The following PPHLN1 variants were observed in gnomAD, a reference collection of about 807,000 sequenced individuals.
PPHLN1 encodes periphilin-1.
In PPHLN1, 29 loss-of-function variants were observed where a neutral mutation model predicts 51.3. That is an observed-to-expected ratio of 0.57 (90% CI 0.42 to 0.77). The LOEUF is 0.77. PPHLN1 is among the 30% of genes least tolerant of loss of function. The pLI is 0.00. For missense variants in PPHLN1, 436 were observed against 438.4 expected (o/e 0.99, Z 0.05); for synonymous variants, 147 against 147.8 (o/e 0.99, Z 0.04).
intron 8 of PPHLN1, among the ~76,000 whole-genome samples, chr12:42,396,900 C>T (rs1440116106): frequency 1.3e-5 from 2 of 150,758 alleles, no homozygotes; most frequent in African/African-American, 2.4e-5. Flanking sequence ...ATTAGCTGGG[C>T]ATGGTGGCAT....
intron 5 of PPHLN1, among the ~76,000 whole-genome samples, chr12:42,383,798 G>A (rs2076952820): frequency 6.6e-6 from 1 of 151,800 alleles, no homozygotes; most frequent in South Asian, 2.1e-4. Flanking sequence ...GGCCAAGATG[G>A]TGAAACCTCG....
At chr12:42,406,710 G>C (rs1018856424) in intron 9 of PPHLN1, among the ~76,000 whole-genome samples, 1 of 151,792 alleles carries the variant, frequency 6.6e-6, no homozygotes. Flanking sequence ...TTCCCATTTT[G>C]TGGCATTCTT....
chr12:42,360,385 A>C (rs1192036685), intron 4 of PPHLN1, among the ~76,000 whole-genome samples: 1 of 130,186 alleles, frequency 7.7e-6, no homozygotes, highest in Admixed American at 8.0e-5. Flanking sequence ...GCGTTTCTTC[A>C]TTTCTTCATG....
Position 42,397,290 on chromosome 12 carries a change from A to G in PPHLN1, c.769-1564A>G, listed in dbSNP as rs192505458. Among the ~76,000 whole-genome samples the G allele has an allele frequency of 1.2e-4, 19 of 152,250 alleles. No individual in the cohort carries two copies. In the South Asian group the frequency reaches 2.3e-3, roughly 18 times the overall value. On this transcript the variant is annotated intron_variant, in intron 8 of 9. Coordinates refer to ENST00000358314, the MANE Select transcript of PPHLN1 (RefSeq NM_201439.2). Reference sequence around the variant, plus strand: ...ATTCCACTTTTCTACCTACTATAACATTTTATGCCACTTTATATTTCATTG... The same window carrying G: ...ATTCCACTTTTCTACCTACTATAACGTTTTATGCCACTTTATATTTCATTG...
chr12:42,387,611 T>A, intron 7 of PPHLN1, 76 bp downstream of exon 7: 1 of 1,504,468 alleles, frequency 6.6e-7, no homozygotes, highest in Non-Finnish European at 8.9e-7. Context: ...ATGCTTTTAT[T>A]CTTTACTGTT....
intron 1 of PPHLN1, among the ~76,000 whole-genome samples, chr12:42,330,851 A>G (rs1165186328): frequency 6.6e-6 from 1 of 152,150 alleles, no homozygotes; most frequent in Non-Finnish European, 1.5e-5. Flanking sequence ...CTGGTACTAC[A>G]GGCACGTGCC....
chr12:42,371,563 A>T (rs1341954123), intron 4 of PPHLN1, among the ~76,000 whole-genome samples: 1 of 152,152 alleles, frequency 6.6e-6, no homozygotes, highest in Non-Finnish European at 1.5e-5. Context: ...TCTTGTTCAC[A>T]TAGTACTTTA....
chr12:42,431,980 T>C, intron 9 of PPHLN1: 1 of 1,475,646 alleles, frequency 6.8e-7, no homozygotes, highest in South Asian at 1.1e-5. Context: ...GTCTGCAGTC[T>C]GATCTGATTC....
chr12:42,442,634 CGGCCAGAGT>C, downstream of PPHLN1: 4 of 1,613,772 alleles, frequency 2.5e-6, no homozygotes, highest in Non-Finnish European at 3.4e-6. Context: ...TCCGGTCGCT[CGGCCAGAGT>C]CTGCAGGACA....
rs191769443 is a variant in PPHLN1 at position 42,424,354 on chromosome 12, C to A, written c.910-16961C>A. 2.6e-3 allele frequency among the ~76,000 whole-genome samples: 399 copies of A among 152,296 alleles called. 1 individual carries two copies. Among genetic ancestry groups the A allele is most frequent in the African/African-American group, 9.2e-3 (381 of 41,554 alleles). On this transcript the variant is annotated intron_variant, in intron 9 of 9. Coordinates refer to ENST00000358314, the MANE Select transcript of PPHLN1 (RefSeq NM_201439.2). The stretch of plus-strand genomic sequence containing the variant: ...AATTTAGAACCTGGAACTGGAAGAC[C>A]ACGAGGCAACTTATTTTCTTCCATA...
intron 9 of PPHLN1, among the ~76,000 whole-genome samples, chr12:42,435,346 C>T (rs1005707444): frequency 2.6e-5 from 4 of 152,184 alleles, no homozygotes; most frequent in Non-Finnish European, 4.4e-5. Flanking sequence ...GGCACTATAG[C>T]TCTGATCCAT....
intron 8 of PPHLN1, among the ~76,000 whole-genome samples, chr12:42,397,015 G>A (rs1409586868): frequency 6.8e-6 from 1 of 146,614 alleles, no homozygotes; most frequent in African/African-American, 2.6e-5. Context: ...TCCAGCCTGG[G>A]TGGCAGAGCA....
intron 8 of PPHLN1, among the ~76,000 whole-genome samples, chr12:42,395,274 T>G (rs2078098389): frequency 6.6e-6 from 1 of 152,110 alleles, no homozygotes; most frequent in African/African-American, 2.4e-5. Context: ...TCAGACGTGT[T>G]CTTTTGTTGG....
At chr12:42,426,121 T>G (rs1293622112) in intron 9 of PPHLN1, among the ~76,000 whole-genome samples, 1 of 148,506 alleles carries the variant, frequency 6.7e-6, no homozygotes, top group Non-Finnish European at 1.5e-5. Flanking sequence ...CGTTTCAAAT[T>G]TCACTAGAGG....
downstream of PPHLN1, chr12:42,444,837 A>G (rs1252713674): frequency 1.8e-6 from 1 of 561,100 alleles, no homozygotes; most frequent in African/African-American, 1.9e-5. Flanking sequence ...TTCCTCCCCC[A>G]TACCTAACGC....
At chr12:42,377,972 A>G (rs1018262873) in intron 5 of PPHLN1, among the ~76,000 whole-genome samples, 5 of 152,246 alleles carry the variant, frequency 3.3e-5, no homozygotes, top group African/African-American at 1.2e-4. Flanking sequence ...GAGAGCTCAT[A>G]CCTTTAATAT....
downstream of PPHLN1, chr12:42,446,998 C>T (rs1246501778): frequency 5.3e-6 from 1 of 189,816 alleles, no homozygotes; most frequent in Admixed American, 5.6e-5. Flanking sequence ...TATTCTGTCT[C>T]TACTGAATAA....
intron 9 of PPHLN1, among the ~76,000 whole-genome samples, chr12:42,434,082 T>C (rs576302594): frequency 6.6e-6 from 1 of 152,226 alleles, no homozygotes; most frequent in Non-Finnish European, 1.5e-5. Context: ...TACCTTGCCC[T>C]ACATATCTCT....
intron 9 of PPHLN1, among the ~76,000 whole-genome samples, chr12:42,425,572 A>G (rs552872999): frequency 1.3e-5 from 2 of 148,492 alleles, no homozygotes; most frequent in Admixed American, 1.4e-4. Context: ...TTTTTTTAGT[A>G]GAGATGAGGT....
Sources: gnomAD v4.1 joint callset for allele counts (sites outside exome capture counted in the v4.1 genomes callset) on GRCh38, gnomAD v4.1.1 for gene constraint, MANE v1.5 for transcripts, NCBI Gene and HGNC (gene_info 2026-07-23, HGNC 2026-07-21) for gene names.